Variants in INPP4B observed in about 807,000 individuals in gnomAD.
INPP4B encodes inositol polyphosphate-4-phosphatase type II B, also known as inositol polyphosphate 4-phosphatase type II.
In INPP4B, 55 loss-of-function variants were observed where a neutral mutation model predicts 122.5. That is an observed-to-expected ratio of 0.45 (90% CI 0.36 to 0.56). The LOEUF (loss-of-function observed/expected upper bound fraction) is 0.56. INPP4B is among the 20% of genes least tolerant of loss of function. The pLI is 0.00. For missense variants in INPP4B, 1,000 were observed against 1,097.7 expected (o/e 0.91, Z 1.26); for synonymous variants, 403 against 388.7 (o/e 1.04, Z -0.43).
At chr4:142,653,824 G>T (rs1291092161) in intron 2 of INPP4B, among the ~76,000 whole-genome samples, 1 of 152,174 alleles carries the variant, frequency 6.6e-6, no homozygotes, top group African/African-American at 2.4e-5. Flanking sequence ...ATTCCTCAAG[G>T]ATCTAGAACT....
intron 2 of INPP4B, among the ~76,000 whole-genome samples, chr4:142,622,404 G>T (rs1478950548): frequency 6.6e-6 from 1 of 151,728 alleles, no homozygotes. Flanking sequence ...CAACATCTCA[G>T]TGTGCATGTC....
At chr4:142,626,543 G>A (rs1327405520) in intron 2 of INPP4B, among the ~76,000 whole-genome samples, 1 of 151,968 alleles carries the variant, frequency 6.6e-6, no homozygotes, top group Non-Finnish European at 1.5e-5. Context: ...ACAATGATGT[G>A]AACTTGGAAA....
chr4:142,365,200 TCTC>T (rs764017473), intron 7 of INPP4B, among the ~76,000 whole-genome samples: 7 of 152,002 alleles, frequency 4.6e-5, no homozygotes, highest in Non-Finnish European at 7.4e-5. Flanking sequence ...TGTTAAGAGA[TCTC>T]CTAGTCAGCT....
chr4:142,384,201 G>A (rs374999225), intron 7 of INPP4B: 11 of 689,006 alleles, frequency 1.6e-5, no homozygotes, highest in African/African-American at 1.6e-4. Context: ...TGTGGGTTAA[G>A]ACAAAAGAAA....
At chr4:142,512,659 C>T (rs375471319) in intron 2 of INPP4B, among the ~76,000 whole-genome samples, 17 of 152,204 alleles carry the variant, frequency 1.1e-4, no homozygotes, top group African/African-American at 3.6e-4. Flanking sequence ...TTATGTCTCA[C>T]TTTAGTCGTC....
chr4:142,496,962 G>C (rs1329262948), intron 2 of INPP4B: 2 of 151,880 alleles, frequency 1.3e-5, no homozygotes, highest in African/African-American at 2.4e-5. Context: ...AAAAAGGGGG[G>C]GGGAAGAAAA....
intron 23 of INPP4B, among the ~76,000 whole-genome samples, chr4:142,101,440 T>C (rs1426540993): frequency 6.6e-6 from 1 of 152,118 alleles, no homozygotes; most frequent in Non-Finnish European, 1.5e-5. Context: ...TTAGATAAAA[T>C]GTAGTGCAAC....
At chr4:142,357,478 T>C (rs1783993237) in intron 7 of INPP4B, among the ~76,000 whole-genome samples, 1 of 151,998 alleles carries the variant, frequency 6.6e-6, no homozygotes, top group African/African-American at 2.4e-5. Context: ...AATACCTTTT[T>C]CCCATATATT....
At chr4:142,091,351 T>C (rs1779452167) in intron 23 of INPP4B, among the ~76,000 whole-genome samples, 1 of 152,140 alleles carries the variant, frequency 6.6e-6, no homozygotes, top group Non-Finnish European at 1.5e-5. Flanking sequence ...TGTCCCTATT[T>C]CCTCAACTGC....
intron 2 of INPP4B, among the ~76,000 whole-genome samples, chr4:142,500,317 C>G (rs1020840506): frequency 1.2e-4 from 18 of 152,112 alleles, no homozygotes; most frequent in Non-Finnish European, 2.6e-4. Flanking sequence ...GACTCCTTGC[C>G]CCTGAGGCCA....
At chr4:142,466,269 GATCTCACATGAAA>G (rs1315169942) in intron 2 of INPP4B, among the ~76,000 whole-genome samples, 1 of 152,172 alleles carries the variant, frequency 6.6e-6, no homozygotes, top group Non-Finnish European at 1.5e-5. Context: ...AGGCTGAAGA[GATCTCACATGAAA>G]ATGGGAAACT....
chr4:142,154,610 T>G (rs896396226), intron 17 of INPP4B, among the ~76,000 whole-genome samples: 1 of 152,042 alleles, frequency 6.6e-6, no homozygotes, highest in African/African-American at 2.4e-5. Flanking sequence ...GAGAAGGACA[T>G]AGCTGGGTAC....
chr4:142,376,882 T>C (rs977616663), intron 7 of INPP4B, among the ~76,000 whole-genome samples: 7 of 152,016 alleles, frequency 4.6e-5, no homozygotes, highest in African/African-American at 1.7e-4. Context: ...TCAAATGTGG[T>C]GCTCTCTGTA....
In INPP4B at chr4:142,026,890, G is replaced by T. The variant is rs889523941; in HGVS notation, c.*1892C>A. 6.6e-5 allele frequency: 10 copies of T among 152,112 alleles called. No individual in the cohort carries two copies. Among genetic ancestry groups the T allele is most frequent in the Non-Finnish European group, 1.5e-4 (10 of 68,022 alleles). The allele number at this position is 152,112 out of a possible 1,614,324, so 9.4% of individuals were successfully genotyped here. A position where few individuals can be genotyped will look rare whatever the true frequency, so the allele number is the denominator to read the frequency against. On this transcript the variant is annotated 3_prime_UTR_variant, in exon 26 of 26. Coordinates refer to ENST00000262992, the MANE Select transcript of INPP4B (RefSeq NM_001101669.3). ...ATTTACAGAATGATAAATTACTTAA[G>T]GTTTCTTAGAACTCAGACTACCATT...
chr4:142,254,055 C>A (rs1049972367), intron 11 of INPP4B, among the ~76,000 whole-genome samples: 17 of 152,128 alleles, frequency 1.1e-4, no homozygotes, highest in Non-Finnish European at 2.5e-4. Flanking sequence ...CCCCTGACCC[C>A]CGAGCAGCCT....
At chr4:142,363,078 T>C (rs1255807052) in intron 7 of INPP4B, among the ~76,000 whole-genome samples, 1 of 152,048 alleles carries the variant, frequency 6.6e-6, no homozygotes. Context: ...TTTTATTCTC[T>C]AAATGCCTTT....
At chr4:142,431,137 G>A (rs1250051629) in intron 4 of INPP4B, 32 bp downstream of exon 4, 3 of 1,537,930 alleles carry the variant, frequency 2.0e-6, no homozygotes, top group Admixed American at 3.4e-5. Flanking sequence ...ATCTTTAGAT[G>A]CAAAAACAGG....
At chr4:142,088,036 A>T (rs138430991) in intron 23 of INPP4B, among the ~76,000 whole-genome samples, 103 of 152,336 alleles carry the variant, frequency 6.8e-4, no homozygotes, top group Non-Finnish European at 1.3e-3. Flanking sequence ...GTCAAAAGTC[A>T]TATCTTTACT....
chr4:142,136,814 A>G (rs1357856271), intron 18 of INPP4B, among the ~76,000 whole-genome samples: 4 of 152,218 alleles, frequency 2.6e-5, no homozygotes, highest in Non-Finnish European at 5.9e-5. Context: ...GAAACAGTTC[A>G]TTAAGATATC....
Sources: allele counts gnomAD v4.1 joint callset (sites outside exome capture counted in the v4.1 genomes callset), GRCh38; gene constraint gnomAD v4.1.1; transcripts MANE v1.5; gene names NCBI Gene and HGNC (gene_info 2026-07-23, HGNC 2026-07-21).